Variants in IGF2R observed in about 807,000 individuals in gnomAD.
IGF2R encodes the protein insulin like growth factor 2 receptor.
A neutral mutation model predicts 270.6 loss-of-function variants in IGF2R; 91 were observed. The ratio of observed to expected loss-of-function variants is 0.34; its 90% CI spans 0.28 to 0.40. The LOEUF (loss-of-function observed/expected upper bound fraction) is 0.40. IGF2R is among the 10% of genes least tolerant of loss of function. The pLI, the probability that IGF2R is intolerant of heterozygous loss-of-function variation, is 1.00. For synonymous variants in IGF2R, 1,316 were observed against 1,258.9 expected (o/e 1.05, Z -0.96); for missense variants, 2,805 against 3,188.3 (o/e 0.88, Z 2.90).
chr6:160,031,825 G>A (rs58557516), intron 7 of IGF2R, among the ~76,000 whole-genome samples: 2,632 of 152,282 alleles, frequency 0.017, 79 homozygotes, highest in African/African-American at 0.06. Flanking sequence ...GGCTATGCCC[G>A]GTGCTAAGCC....
chr6:160,042,477 C>G (rs140209013), intron 11 of IGF2R, among the ~76,000 whole-genome samples: 1 of 152,142 alleles, frequency 6.6e-6, no homozygotes, highest in Non-Finnish European at 1.5e-5. Context: ...AGCGACTGTT[C>G]GCCGTGTGGT....
At chr6:160,098,160 G>C (rs1038153430) in intron 45 of IGF2R, among the ~76,000 whole-genome samples, 5 of 152,186 alleles carry the variant, frequency 3.3e-5, no homozygotes, top group African/African-American at 1.2e-4. Context: ...CTGGTCTTCT[G>C]TGTGGGTTTG....
intron 29 of IGF2R, among the ~76,000 whole-genome samples, chr6:160,065,649 G>A (rs1778554822): frequency 6.6e-6 from 1 of 151,728 alleles, no homozygotes; most frequent in Admixed American, 6.6e-5. Context: ...AATGTCCTCA[G>A]TAGATATCCC....
In IGF2R at chr6:159,994,248, G is replaced by A. The variant is rs1290620381; in HGVS notation, c.289+2925G>A. 2.6e-5 allele frequency among the ~76,000 whole-genome samples: 4 copies of A among 152,002 alleles called. No homozygotes were observed. In the East Asian group the frequency reaches 7.7e-4, roughly 29 times the overall value. On this transcript the variant is annotated intron_variant, in intron 2 of 47. Coordinates refer to ENST00000356956, the MANE Select transcript of IGF2R (RefSeq NM_000876.4). The stretch of plus-strand genomic sequence containing the variant: ...TTTTCTAGTTTTTGAGTGTAGAGAT[G>A]TTTATAGTAGCCTCTGATGATCTTT...
intron 38 of IGF2R, 39 bp from the exon 39 acceptor site, chr6:160,080,090 G>T (rs202081546): frequency 1.2e-6 from 2 of 1,607,194 alleles, no homozygotes; most frequent in East Asian, 2.2e-5. Context: ...GCCTGGCGAG[G>T]CACAGCTGCC....
At chr6:159,972,736 C>G (rs531150223) in intron 1 of IGF2R, among the ~76,000 whole-genome samples, 185 of 152,288 alleles carry the variant, frequency 1.2e-3, no homozygotes, top group African/African-American at 4.3e-3. Context: ...TTGGGAGGAA[C>G]GAAGGAGACA....
rs1210705010 is a variant in IGF2R at position 160,109,380 on chromosome 6, T to G, written c.*4296T>G. 1 of 152,262 alleles carries G rather than the reference T, an allele frequency of 6.6e-6. No homozygotes were observed. The highest frequency in any genetic ancestry group is 2.4e-5 in the African/African-American group (1 of 41,468). 9.4% of individuals were successfully genotyped at this position (152,262 alleles called of 1,614,324 possible). On this transcript the variant is annotated 3_prime_UTR_variant, in exon 48 of 48. Transcript: ENST00000356956. ...CAAGAAAGGACTTGTGACCTCACCC[T>G]TGGCTTCAGGGTTTTATTTTTCTTT...
At chr6:160,094,061 G>A (rs1320332598) in intron 44 of IGF2R, 18 of 543,160 alleles carry the variant, frequency 3.3e-5, no homozygotes, top group African/African-American at 2.1e-4. Flanking sequence ...CAGTCCTCCT[G>A]TCCACCAGCC....
chr6:160,033,298 AGCTG>A (rs1211468726), intron 9 of IGF2R, among the ~76,000 whole-genome samples, 191 bp downstream of exon 9: 4 of 152,102 alleles, frequency 2.6e-5, no homozygotes, highest in Non-Finnish European at 4.4e-5. Context: ...CACCATGCCT[AGCTG>A]GTTTCTGTAG....
At chr6:160,091,052 G>T (rs1178318930) in intron 44 of IGF2R, among the ~76,000 whole-genome samples, 2 of 128,578 alleles carry the variant, frequency 1.6e-5, no homozygotes, top group African/African-American at 6.2e-5. Flanking sequence ...AGAAGGAGCG[G>T]GTGCTCTGTG....
chr6:160,034,385 A>G (rs1777767160), intron 9 of IGF2R, 34 bp from the exon 10 acceptor site: 1 of 1,402,564 alleles, frequency 7.1e-7, no homozygotes, highest in East Asian at 2.3e-5. Context: ...TGGTTCTCCC[A>G]AACACATTTG....
intron 1 of IGF2R, among the ~76,000 whole-genome samples, chr6:159,985,450 C>T (rs1266242975): frequency 1.3e-5 from 2 of 152,194 alleles, no homozygotes; most frequent in African/African-American, 4.8e-5. Context: ...TGGATAATGG[C>T]ATCACGTTCT....
intron 41 of IGF2R, 72 bp from the exon 42 acceptor site, chr6:160,087,961 G>A: frequency 1.1e-6 from 1 of 918,950 alleles, no homozygotes; most frequent in Non-Finnish European, 1.8e-6. Context: ...ACAGGTGTGA[G>A]CCACTGCGCC....
chr6:160,045,531 C>T (rs1778049415), intron 13 of IGF2R, among the ~76,000 whole-genome samples: 2 of 152,188 alleles, frequency 1.3e-5, no homozygotes, highest in Non-Finnish European at 2.9e-5. Flanking sequence ...TCCATTCCCT[C>T]TCTTCTACTT....
rs8191795 is a variant in IGF2R at position 160,045,280 on chromosome 6, C to T, written c.1766-465C>T. 6.1e-3 allele frequency among the ~76,000 whole-genome samples: 928 copies of T among 152,318 alleles called. 9 individuals carry two copies. The highest frequency in any genetic ancestry group is 0.021 in the African/African-American group (879 of 41,556). The stretch of plus-strand genomic sequence containing the variant: ...AATTGTGCTATTATGTATCCTCTCT[C>T]TACCTCCCATTGAAATATTTCCTTT... On this transcript the variant is annotated intron_variant, in intron 13 of 47. Coordinates refer to ENST00000356956, the MANE Select transcript of IGF2R (RefSeq NM_000876.4).
At chr6:160,096,206 C>T (rs979834374) in intron 44 of IGF2R, 3 of 403,382 alleles carry the variant, frequency 7.4e-6, no homozygotes, top group African/African-American at 2.0e-5. Context: ...AATAAATACT[C>T]GTGGTTAAAA....
At chr6:160,010,269 T>A (rs765150536) in intron 3 of IGF2R, 1 of 160,018 alleles carries the variant, frequency 6.2e-6, no homozygotes, top group Non-Finnish European at 1.4e-5. Flanking sequence ...CTGGTGGGTG[T>A]ACTAACTTGG....
intron 30 of IGF2R, among the ~76,000 whole-genome samples, chr6:160,069,491 G>C (rs538388448): frequency 2.0e-4 from 30 of 152,310 alleles, no homozygotes; most frequent in Admixed American, 7.8e-4. Context: ...GAAACAGGCA[G>C]AATTCTTGGT....
chr6:160,072,060 A>T, intron 32 of IGF2R, 24 bp downstream of exon 32: 3 of 1,613,468 alleles, frequency 1.9e-6, no homozygotes, highest in Non-Finnish European at 2.5e-6. Flanking sequence ...CCAGTCGTTA[A>T]CCCCAGCGCA....
Sources: allele counts gnomAD v4.1 joint callset (sites outside exome capture counted in the v4.1 genomes callset), GRCh38; gene constraint gnomAD v4.1.1; transcripts MANE v1.5; gene names NCBI Gene and HGNC (gene_info 2026-07-23, HGNC 2026-07-21).